The following DISC1 variants were observed in gnomAD, a reference collection of about 807,000 sequenced individuals.
DISC1 encodes the protein disrupted in schizophrenia 1 protein.
In DISC1, 57 loss-of-function variants were observed where a neutral mutation model predicts 84.5. That is an observed-to-expected ratio of 0.67 (90% CI 0.55 to 0.84). The LOEUF (loss-of-function observed/expected upper bound fraction) is 0.84. Among genes scored for constraint, DISC1 ranks in the 40% least tolerant of loss-of-function variants. DISC1 has a pLI of 0.00. For synonymous variants in DISC1, 411 were observed against 415.2 expected, an observed-to-expected ratio of 0.99 and a Z score of 0.12; for missense variants, 1,000 against 1,057.8, an observed-to-expected ratio of 0.95 and a Z score of 0.76.
At chr1:231,959,396 A>G (rs1044303736) in intron 10 of DISC1, 2 of 985,828 alleles carry the variant, frequency 2.0e-6, no homozygotes, top group East Asian at 2.3e-4. Context: ...ATGCTGCAGC[A>G]TGACAAGATG....
intron 11 of DISC1, among the ~76,000 whole-genome samples, chr1:232,022,793 C>T (rs1446953212): frequency 6.6e-6 from 1 of 152,156 alleles, no homozygotes; most frequent in Non-Finnish European, 1.5e-5. Context: ...TAAAATAATA[C>T]ATCTCTTAAG....
At chr1:231,635,343 C>T (rs1379058228) in intron 1 of DISC1, among the ~76,000 whole-genome samples, 1 of 150,362 alleles carries the variant, frequency 6.7e-6, no homozygotes, top group Non-Finnish European at 1.5e-5. Context: ...ATTATTCTGC[C>T]CACCGAGAAT....
intron 1 of DISC1, among the ~76,000 whole-genome samples, chr1:231,681,217 A>G (rs1408283206): frequency 6.6e-6 from 1 of 152,210 alleles, no homozygotes; most frequent in East Asian, 1.9e-4. Flanking sequence ...CATTTGAAGC[A>G]TACCCTTCCA....
chr1:232,030,231 T>G (rs1004956632), intron 12 of DISC1, among the ~76,000 whole-genome samples: 1 of 152,196 alleles, frequency 6.6e-6, no homozygotes, highest in Non-Finnish European at 1.5e-5. Flanking sequence ...GGGTCCTAAT[T>G]AGCAGTATGT....
Position 231,693,821 on chromosome 1 carries a change from C to T in DISC1, c.68-5C>T, listed in dbSNP as rs746966882. The T allele has an allele frequency of 5.0e-6, 8 of 1,613,102 alleles. No individual in the cohort carries two copies. The highest frequency in any genetic ancestry group is 1.9e-4 in the Middle Eastern group (1 of 5,248). On this transcript the variant is annotated splice_polypyrimidine_tract_variant and splice_region_variant and intron_variant, in intron 1 of 12. Coordinates refer to ENST00000439617, the MANE Select transcript of DISC1 (RefSeq NM_018662.3). ...TTATGGTGCTGTTTTTTCTTTTCTT[C>T]CCAGGCAGCCGGGATTGCTTACCAC...
chr1:231,763,065 C>A (rs1304451780), intron 4 of DISC1, among the ~76,000 whole-genome samples: 1 of 152,104 alleles, frequency 6.6e-6, no homozygotes, highest in Non-Finnish European at 1.5e-5. Context: ...CAAGAGGACT[C>A]AAACAATGGG....
chr1:231,884,448 G>A lies in DISC1; in HGVS notation c.1981+65931G>A, dbSNP rs575742502. On this transcript the variant is annotated intron_variant, in intron 9 of 12. Transcript: ENST00000439617. The stretch of plus-strand genomic sequence containing the variant: ...GATTTCCTTCTTTTTTTGTGGCTGT[G>A]TAGTATACCATGGTGTATTTGTACC... Among the ~76,000 whole-genome samples the A allele has an allele frequency of 3.3e-5, 5 of 152,226 alleles. No individual in the cohort carries two copies. In the South Asian group the frequency reaches 1.0e-3, roughly 32 times the overall value.
chr1:231,727,759 A>T (rs1212717696), intron 3 of DISC1, among the ~76,000 whole-genome samples: 2 of 151,950 alleles, frequency 1.3e-5, no homozygotes, highest in African/African-American at 4.8e-5. Flanking sequence ...GTTATTTTTC[A>T]TATGTGAGAT....
intron 9 of DISC1, among the ~76,000 whole-genome samples, chr1:231,894,282 T>C (rs1049726404): frequency 6.6e-6 from 1 of 152,194 alleles, no homozygotes; most frequent in Non-Finnish European, 1.5e-5. Context: ...GAAAAAAACA[T>C]AGTGGACACC....
intron 11 of DISC1, among the ~76,000 whole-genome samples, chr1:232,026,046 T>C (rs1162275724): frequency 6.6e-6 from 1 of 152,154 alleles, no homozygotes; most frequent in African/African-American, 2.4e-5. Flanking sequence ...CCTTTGTCCT[T>C]ACAGGTTAGC....
chr1:231,882,798 G>A (rs934372591), intron 9 of DISC1, among the ~76,000 whole-genome samples: 1 of 151,992 alleles, frequency 6.6e-6, no homozygotes, highest in South Asian at 2.1e-4. Context: ...TCCTTATCTA[G>A]GTGTGAACGT....
intron 3 of DISC1, among the ~76,000 whole-genome samples, chr1:231,703,839 C>T (rs1028336336): frequency 6.6e-6 from 1 of 152,194 alleles, no homozygotes; most frequent in East Asian, 1.9e-4. Flanking sequence ...AGGGTGGGCT[C>T]AGCATTCTGT....
intron 9 of DISC1, among the ~76,000 whole-genome samples, chr1:231,820,672 A>G (rs1416839755): frequency 6.6e-6 from 1 of 152,194 alleles, no homozygotes; most frequent in African/African-American, 2.4e-5. Flanking sequence ...ACCCAGCCAC[A>G]TGCATGTCCA....
rs567019248 is a variant in DISC1 at position 231,956,810 on chromosome 1, C to T, written c.1982-2018C>T. Among the ~76,000 whole-genome samples, 21 of 152,276 alleles carry T rather than the reference C, an allele frequency of 1.4e-4. No individual in the cohort carries two copies. In the South Asian group the frequency reaches 4.4e-3, roughly 32 times the overall value. On this transcript the variant is annotated intron_variant, in intron 9 of 12. Transcript: ENST00000439617. ...TCACTCAGGTATCTGGAGGTTGGTG[C>T]TGGATGTATTCTAAGACCATCACCC...
intron 5 of DISC1, among the ~76,000 whole-genome samples, chr1:231,768,287 G>A (rs557744272): frequency 1.3e-5 from 2 of 152,202 alleles, no homozygotes; most frequent in Admixed American, 1.3e-4. Context: ...TCAAATCCTG[G>A]CTTAGGCTGG....
chr1:231,723,003 G>A, intron 3 of DISC1: 1 of 1,131,074 alleles, frequency 8.8e-7, no homozygotes, highest in Non-Finnish European at 1.1e-6. Flanking sequence ...AGGCCTTTAG[G>A]ACAATTATGA....
At chr1:231,805,690 T>A (rs1444259675) in intron 8 of DISC1, among the ~76,000 whole-genome samples, 1 of 151,722 alleles carries the variant, frequency 6.6e-6, no homozygotes, top group East Asian at 1.9e-4. Flanking sequence ...AAATCATTAA[T>A]GAGAAACTGC....
intron 4 of DISC1, among the ~76,000 whole-genome samples, chr1:231,753,978 A>G (rs894793806): frequency 1.3e-5 from 2 of 152,164 alleles, no homozygotes; most frequent in African/African-American, 2.4e-5. Flanking sequence ...CCAGTTCCCA[A>G]TAAGTTTCTC....
intron 10 of DISC1, among the ~76,000 whole-genome samples, chr1:231,963,850 G>A (rs1386956047): frequency 6.6e-6 from 1 of 152,274 alleles, no homozygotes; most frequent in East Asian, 1.9e-4. Context: ...AGAGGGTCAT[G>A]ATCCATGTGA....
Sources: allele counts gnomAD v4.1 joint callset (sites outside exome capture counted in the v4.1 genomes callset), GRCh38; gene constraint gnomAD v4.1.1; transcripts MANE v1.5; gene names NCBI Gene and HGNC (gene_info 2026-07-23, HGNC 2026-07-21).